HPSE2: variants seen among roughly 807,000 people sequenced by gnomAD.
HPSE2 encodes the protein heparanase 2 (inactive).
HPSE2 carries 38 observed loss-of-function variants against 60.5 expected under a neutral mutation model. The ratio of observed to expected loss-of-function variants is 0.63; its 90% CI spans 0.48 to 0.82. The LOEUF is 0.82. HPSE2 is among the 40% of genes least tolerant of loss of function. HPSE2 has a pLI of 0.00. For synonymous variants in HPSE2, 295 were observed against 293.2 expected, an observed-to-expected ratio of 1.01 and a Z score of -0.06; for missense variants, 713 against 740.4, an observed-to-expected ratio of 0.96 and a Z score of 0.43.
chr10:99,031,299 AT>A (rs982450748), intron 3 of HPSE2, among the ~76,000 whole-genome samples: 7 of 152,190 alleles, frequency 4.6e-5, no homozygotes, highest in African/African-American at 1.4e-4. Context: ...AATTAAAAAA[AT>A]GTTTAATGTG....
At chr10:99,125,280 C>G (rs1353034366) in intron 3 of HPSE2, among the ~76,000 whole-genome samples, 1 of 152,240 alleles carries the variant, frequency 6.6e-6, no homozygotes, top group Non-Finnish European at 1.5e-5. Flanking sequence ...CTCTGCTACA[C>G]TACCTGGAGA....
At chr10:98,944,169 G>A (rs1362390671) in intron 3 of HPSE2, among the ~76,000 whole-genome samples, 1 of 152,128 alleles carries the variant, frequency 6.6e-6, no homozygotes, top group Non-Finnish European at 1.5e-5. Flanking sequence ...GTAGTGACAG[G>A]TAATGAGCTC....
chr10:98,963,815 T>C (rs940406672), intron 3 of HPSE2, among the ~76,000 whole-genome samples: 2 of 152,090 alleles, frequency 1.3e-5, no homozygotes, highest in African/African-American at 2.4e-5. Flanking sequence ...TCATGACTAA[T>C]GGAATCATGA....
the HPSE2 span, among the ~76,000 whole-genome samples, chr10:99,271,983 A>G: frequency 1.3e-5 from 2 of 152,172 alleles, no homozygotes; most frequent in Non-Finnish European, 2.9e-5. Flanking sequence ...TTATACAAAG[A>G]TCAACACACC....
chr10:98,701,383 C>G (rs1294144719), intron 5 of HPSE2, among the ~76,000 whole-genome samples: 1 of 149,386 alleles, frequency 6.7e-6, no homozygotes, highest in Non-Finnish European at 1.5e-5. Flanking sequence ...AGTAAACTAT[C>G]GCAAGAACAA....
At chr10:99,178,422 A>C (rs1847620638) in intron 2 of HPSE2, among the ~76,000 whole-genome samples, 1 of 152,078 alleles carries the variant, frequency 6.6e-6, no homozygotes, top group Admixed American at 6.6e-5. Context: ...ACACAACAAA[A>C]AGTGATAAAG....
chr10:98,969,105 T>G (rs1955885940), intron 3 of HPSE2, among the ~76,000 whole-genome samples: 1 of 152,212 alleles, frequency 6.6e-6, no homozygotes, highest in Non-Finnish European at 1.5e-5. Context: ...TTTACATTAC[T>G]AGATAACAAA....
At chr10:98,989,370 A>G (rs1352589887) in intron 3 of HPSE2, among the ~76,000 whole-genome samples, 2 of 152,102 alleles carry the variant, frequency 1.3e-5, no homozygotes, top group East Asian at 3.9e-4. Flanking sequence ...ACTGGAAACC[A>G]TCATTCTCAG....
intron 5 of HPSE2, among the ~76,000 whole-genome samples, chr10:98,718,046 G>T (rs761984622): frequency 5.9e-5 from 9 of 151,866 alleles, no homozygotes; most frequent in Non-Finnish European, 1.2e-4. Context: ...ATAATGAAAA[G>T]AAAATTCTAA....
the HPSE2 span, among the ~76,000 whole-genome samples, chr10:99,255,711 G>GA: frequency 6.6e-6 from 1 of 152,100 alleles, no homozygotes; most frequent in Non-Finnish European, 1.5e-5. Flanking sequence ...GAGCAACTAT[G>GA]AAAAATATAT....
chr10:98,775,594 C>G (rs1950323115), intron 3 of HPSE2, among the ~76,000 whole-genome samples: 1 of 152,188 alleles, frequency 6.6e-6, no homozygotes, highest in African/African-American at 2.4e-5. Flanking sequence ...GAAAAGAGCA[C>G]TGTACTAGGA....
At chr10:98,817,764 G>T (rs554840111) in intron 3 of HPSE2, among the ~76,000 whole-genome samples, 3 of 152,136 alleles carry the variant, frequency 2.0e-5, no homozygotes, top group Non-Finnish European at 4.4e-5. Context: ...GAATAATGAG[G>T]TCACTCTACT....
At chr10:98,602,959 T>C (rs1945469976) in intron 9 of HPSE2, among the ~76,000 whole-genome samples, 1 of 152,178 alleles carries the variant, frequency 6.6e-6, no homozygotes, top group East Asian at 1.9e-4. Context: ...TTAAAACCTT[T>C]TGTGCTTAAA....
chr10:98,519,686 G>T (rs1004360037), intron 9 of HPSE2, among the ~76,000 whole-genome samples: 3 of 152,218 alleles, frequency 2.0e-5, no homozygotes, highest in Non-Finnish European at 4.4e-5. Flanking sequence ...ACAAAGAGTA[G>T]AATCAAGTCT....
chr10:98,743,159 G>A (rs1418227206), intron 4 of HPSE2, among the ~76,000 whole-genome samples: 1 of 151,764 alleles, frequency 6.6e-6, no homozygotes. Context: ...TTTTAATAGA[G>A]TCGGGGTTTC....
intron 3 of HPSE2, among the ~76,000 whole-genome samples, chr10:99,120,752 A>G (rs1383865872): frequency 6.6e-6 from 1 of 152,188 alleles, no homozygotes; most frequent in East Asian, 1.9e-4. Context: ...GATTACAGGC[A>G]TGAGCCACCA....
At chr10:98,799,444 A>C (rs1391007002) in intron 3 of HPSE2, among the ~76,000 whole-genome samples, 1 of 152,224 alleles carries the variant, frequency 6.6e-6, no homozygotes, top group Non-Finnish European at 1.5e-5. Flanking sequence ...TGGACCTAAT[A>C]GTTATTTACA....
intron 3 of HPSE2, among the ~76,000 whole-genome samples, chr10:98,747,059 AATT>A (rs1589755766): frequency 6.6e-6 from 1 of 152,024 alleles, no homozygotes; most frequent in East Asian, 1.9e-4. Context: ...GAGATTTGAG[AATT>A]ATTATTCTAG....
At chr10:98,613,499 C>T (rs866426305) in intron 9 of HPSE2, among the ~76,000 whole-genome samples, 1 of 152,132 alleles carries the variant, frequency 6.6e-6, no homozygotes, top group Non-Finnish European at 1.5e-5. Flanking sequence ...GTAATTGAGA[C>T]GTGGAACTGG....
Sources: gnomAD v4.1 joint callset for allele counts (sites outside exome capture counted in the v4.1 genomes callset) on GRCh38, gnomAD v4.1.1 for gene constraint, MANE v1.5 for transcripts, NCBI Gene and HGNC (gene_info 2026-07-23, HGNC 2026-07-21) for gene names.